Variants in DNER observed in about 807,000 individuals in gnomAD.
DNER encodes the protein delta and Notch-like epidermal growth factor-related receptor.
DNER carries 33 observed loss-of-function variants against 78.2 expected under a neutral mutation model. The observed-to-expected ratio is 0.42, with a 90% CI of 0.32 to 0.56. The LOEUF is 0.56. Ranked by LOEUF, DNER falls within the 20% of genes least tolerant of loss-of-function variation. The pLI, the probability that DNER is intolerant of heterozygous loss-of-function variation, is 0.11. For missense variants in DNER, 918 were observed against 975.3 expected (o/e 0.94, Z 0.78); for synonymous variants, 417 against 384.8 (o/e 1.08, Z -0.98).
chr2:229,450,040 A>G (rs1480720561), intron 7 of DNER, among the ~76,000 whole-genome samples: 1 of 152,232 alleles, frequency 6.6e-6, no homozygotes, highest in Non-Finnish European at 1.5e-5. Flanking sequence ...TCGGCCTCCC[A>G]AAGTGCTGGG....
At chr2:229,582,628 A>G (rs1159617090) in intron 4 of DNER, among the ~76,000 whole-genome samples, 2 of 152,132 alleles carry the variant, frequency 1.3e-5, no homozygotes, top group Non-Finnish European at 2.9e-5. Flanking sequence ...ATTCCTTAAC[A>G]TAGTTATTAA....
rs989937842 is a variant in DNER, at chr2:229,569,771, T to A, written c.847+16087A>T. 2.0e-5 allele frequency among the ~76,000 whole-genome samples: 3 copies of A among 152,200 alleles called. No individual in the cohort carries two copies. In the South Asian group the frequency reaches 6.2e-4, roughly 31 times the overall value. On this transcript the variant is annotated intron_variant, in intron 4 of 12. Coordinates refer to ENST00000341772, the MANE Select transcript of DNER (RefSeq NM_139072.4). ...TCAAATATTTTTGATCCATGGTTGG[T>A]TGAATTGGCAGATGTGGAATCCACA... is the stretch of plus-strand genomic sequence containing the variant.
chr2:229,675,921 G>A (rs1420584276), intron 1 of DNER, among the ~76,000 whole-genome samples: 3 of 152,160 alleles, frequency 2.0e-5, no homozygotes. Context: ...CACTGCCAGG[G>A]CTGCTCCACT....
chr2:229,553,842 G>T (rs144149770), intron 4 of DNER, among the ~76,000 whole-genome samples: 34 of 152,294 alleles, frequency 2.2e-4, no homozygotes, highest in African/African-American at 7.7e-4. Context: ...CCATCACTGA[G>T]GCTATGGGAA....
At chr2:229,455,776 G>A (rs1487025824) in intron 7 of DNER, among the ~76,000 whole-genome samples, 3 of 152,040 alleles carry the variant, frequency 2.0e-5, no homozygotes, top group Non-Finnish European at 4.4e-5. Flanking sequence ...TATGTACCAG[G>A]CACTGTTCCA....
intron 1 of DNER, among the ~76,000 whole-genome samples, chr2:229,681,553 G>C (rs1424284881): frequency 1.3e-5 from 2 of 151,930 alleles, no homozygotes; most frequent in African/African-American, 4.8e-5. Flanking sequence ...TTCCCCCCTT[G>C]TCACCCACAC....
At chr2:229,439,150 G>GCCA (rs1462051837) in intron 8 of DNER, among the ~76,000 whole-genome samples, 1 of 152,194 alleles carries the variant, frequency 6.6e-6, no homozygotes, top group Non-Finnish European at 1.5e-5. Context: ...GTCACAGAAA[G>GCCA]CCACCATCAA....
At chr2:229,432,156 A>G (rs1279750418) in intron 8 of DNER, among the ~76,000 whole-genome samples, 1 of 152,262 alleles carries the variant, frequency 6.6e-6, no homozygotes, top group Non-Finnish European at 1.5e-5. Flanking sequence ...GTTTACATAT[A>G]AACAGTAAGA....
At chr2:229,493,243 A>G (rs1442301168) in intron 6 of DNER, among the ~76,000 whole-genome samples, 1 of 152,210 alleles carries the variant, frequency 6.6e-6, no homozygotes, top group Non-Finnish European at 1.5e-5. Flanking sequence ...AGTAGGAACA[A>G]TGTAGTGCTT....
At chr2:229,473,306 A>T (rs1242878985) in intron 7 of DNER, among the ~76,000 whole-genome samples, 2 of 152,234 alleles carry the variant, frequency 1.3e-5, no homozygotes, top group African/African-American at 2.4e-5. Context: ...ACTTATGATT[A>T]TGGTTACAAA....
chr2:229,638,421 G>A (rs1214726713), intron 1 of DNER, among the ~76,000 whole-genome samples: 3 of 152,302 alleles, frequency 2.0e-5, no homozygotes, highest in Admixed American at 2.0e-4. Context: ...ACAAATGCAT[G>A]ATTTTCAGCA....
Position 229,537,755 on chromosome 2 carries a change from T to TTTA in DNER, c.993+9189_993+9191dup, listed in dbSNP as rs553336599. Among the ~76,000 whole-genome samples, 24 of 151,782 alleles carry TTTA rather than the reference T, an allele frequency of 1.6e-4. 1 individual carries two copies. In the South Asian group the frequency reaches 3.5e-3, roughly 22 times the overall value. ...TCATTTTATTTTTCTTTTTTTCTTT[T>TTTA]TTATTATTATTATTATTATACTTTA... On this transcript the variant is annotated intron_variant, in intron 5 of 12. Coordinates refer to ENST00000341772, the MANE Select transcript of DNER (RefSeq NM_139072.4).
intron 1 of DNER, among the ~76,000 whole-genome samples, chr2:229,600,307 G>T (rs1269980016): frequency 5.9e-5 from 9 of 152,162 alleles, no homozygotes; most frequent in Admixed American, 5.9e-4. Context: ...AAAGCGCCTG[G>T]CCCACAAAGC....
chr2:229,460,298 T>C (rs1694668628), intron 7 of DNER, among the ~76,000 whole-genome samples: 1 of 151,828 alleles, frequency 6.6e-6, no homozygotes, highest in Non-Finnish European at 1.5e-5. Flanking sequence ...TAAGAAACTT[T>C]AAGAGAAAAT....
intron 5 of DNER, among the ~76,000 whole-genome samples, chr2:229,545,077 G>T (rs1696594718): frequency 6.6e-6 from 1 of 152,056 alleles, no homozygotes; most frequent in South Asian, 2.1e-4. Flanking sequence ...TTGGGGTTTG[G>T]GAATCCACTG....
chr2:229,387,222 A>G (rs1430898177), intron 11 of DNER, among the ~76,000 whole-genome samples: 2 of 152,290 alleles, frequency 1.3e-5, no homozygotes, highest in East Asian at 3.9e-4. Context: ...AAACTAACAC[A>G]GGAACAAAAA....
chr2:229,493,528 C>A (rs905522874), intron 6 of DNER, among the ~76,000 whole-genome samples: 2 of 152,104 alleles, frequency 1.3e-5, no homozygotes, highest in Non-Finnish European at 2.9e-5. Context: ...TTGCTGCCCT[C>A]GAGCCAGCTA....
chr2:229,544,717 A>G (rs1696585863), intron 5 of DNER, among the ~76,000 whole-genome samples: 1 of 151,994 alleles, frequency 6.6e-6, no homozygotes, highest in South Asian at 2.1e-4. Flanking sequence ...TATTTTTAGT[A>G]GAGACAGGGT....
intron 2 of DNER, among the ~76,000 whole-genome samples, chr2:229,589,346 A>G (rs1697559168): frequency 1.3e-5 from 2 of 152,226 alleles, no homozygotes; most frequent in Admixed American, 1.3e-4. Context: ...AATGCCCTAC[A>G]ATCAGATTCT....
Sources: gnomAD v4.1 joint callset for allele counts (sites outside exome capture counted in the v4.1 genomes callset) on GRCh38, gnomAD v4.1.1 for gene constraint, MANE v1.5 for transcripts, NCBI Gene and HGNC (gene_info 2026-07-23, HGNC 2026-07-21) for gene names.